The following FAM107B variants were observed in gnomAD, a reference collection of about 807,000 sequenced individuals.
FAM107B encodes the protein protein FAM107B.
Under a neutral mutation model 31.5 loss-of-function variants are expected in FAM107B, and 21 were observed. The ratio of observed to expected loss-of-function variants is 0.67; its 90% CI spans 0.47 to 0.96. The LOEUF (loss-of-function observed/expected upper bound fraction) is 0.96. Among genes scored for constraint, FAM107B ranks in the 40% least tolerant of loss-of-function variants. The pLI, the probability that FAM107B is intolerant of heterozygous loss-of-function variation, is 0.00. For synonymous variants in FAM107B, 157 were observed against 141.5 expected, an observed-to-expected ratio of 1.11 and a Z score of -0.78; for missense variants, 452 against 377.1, an observed-to-expected ratio of 1.20 and a Z score of -1.64.
At chr10:14,607,566 C>T (rs1852625917) in intron 2 of FAM107B, among the ~76,000 whole-genome samples, 1 of 152,186 alleles carries the variant, frequency 6.6e-6, no homozygotes, top group Non-Finnish European at 1.5e-5. Context: ...CCTCGTACTT[C>T]CCAGGGTTAT....
At chr10:14,544,640 C>T (rs576211813) in intron 2 of FAM107B, among the ~76,000 whole-genome samples, 26 of 152,158 alleles carry the variant, frequency 1.7e-4, no homozygotes, top group South Asian at 6.2e-4. Context: ...CACCCTTGAA[C>T]GCAGTAATTC....
In FAM107B at chr10:14,774,501, G is replaced by C; in HGVS notation, c.163C>G (p.Gln55Glu). Residue 55 changes from glutamine to glutamate, a missense_variant, in exon 1 of 5, where the codon CAG becomes GAG. Coordinates refer to ENST00000181796, the MANE Select transcript of FAM107B (RefSeq NM_031453.4). ...TGTCTGCCTGCTTTGGCCACAGGCT[G>C]CACACGGACGGTGGAATGAGTATCA... Reference protein sequence around the residue: ...VADTHSTVRVQPVAKAGRQPR... With the variant: ...VADTHSTVRVEPVAKAGRQPR... 6.2e-7 allele frequency: 1 copy of C among 1,614,200 alleles called. No homozygotes were observed. Among genetic ancestry groups the C allele is most frequent in the Non-Finnish European group, 8.5e-7 (1 of 1,180,044 alleles).
rs1220354621 is a variant in FAM107B, at chr10:14,733,091, C to T, written c.411+41162G>A. Among the ~76,000 whole-genome samples the T allele has an allele frequency of 3.4e-5, 5 of 147,490 alleles. No individual in the cohort carries two copies. In the East Asian group the frequency reaches 7.8e-4, roughly 23 times the overall value. On this transcript the variant is annotated intron_variant, in intron 1 of 4. Coordinates refer to ENST00000181796, the MANE Select transcript of FAM107B (RefSeq NM_031453.4). ...TAGATACAATGTAGTCTATAGAATA[C>T]ATTATACATAATAATATATAGCATA... is the stretch of plus-strand genomic sequence containing the variant.
At chr10:14,756,511 C>CTGCA (rs1198414675) in intron 1 of FAM107B, among the ~76,000 whole-genome samples, 1 of 152,222 alleles carries the variant, frequency 6.6e-6, no homozygotes, top group African/African-American at 2.4e-5. Flanking sequence ...TGCCTCAAGA[C>CTGCA]TGCAGCATCC....
chr10:14,744,456 C>T (rs1832685475), intron 1 of FAM107B, among the ~76,000 whole-genome samples: 1 of 152,134 alleles, frequency 6.6e-6, no homozygotes. Flanking sequence ...CCAGCTTTTG[C>T]CCATTCAGTA....
At chr10:14,604,364 G>T (rs1334710711) in intron 2 of FAM107B, 10 of 526,528 alleles carry the variant, frequency 1.9e-5, no homozygotes, top group African/African-American at 1.9e-4. Flanking sequence ...GGGGGCGGCG[G>T]CCCGGCCCGC....
intron 2 of FAM107B, among the ~76,000 whole-genome samples, chr10:14,601,208 G>GC (rs1852385909): frequency 1.3e-5 from 2 of 152,164 alleles, no homozygotes; most frequent in Admixed American, 6.5e-5. Flanking sequence ...CCTTAAAATA[G>GC]CCCCTTGTCC....
chr10:14,579,093 G>A (rs753266470), intron 2 of FAM107B, among the ~76,000 whole-genome samples: 7 of 152,088 alleles, frequency 4.6e-5, no homozygotes, highest in African/African-American at 7.2e-5. Context: ...AAACCCATTC[G>A]TTGTATGAAG....
At chr10:14,568,502 G>A (rs1390727187) in intron 2 of FAM107B, among the ~76,000 whole-genome samples, 6 of 50,438 alleles carry the variant, frequency 1.2e-4, no homozygotes, top group African/African-American at 2.3e-4. Context: ...AAGATACTCA[G>A]GTAAGAGGAG....
chr10:14,614,165 T>C (rs1852795082), intron 2 of FAM107B, among the ~76,000 whole-genome samples: 1 of 152,088 alleles, frequency 6.6e-6, no homozygotes, highest in African/African-American at 2.4e-5. Flanking sequence ...ACTTGCTTCT[T>C]TCTTTCCCCC....
chr10:14,757,547 C>T (rs1287438016), intron 1 of FAM107B, among the ~76,000 whole-genome samples: 2 of 152,150 alleles, frequency 1.3e-5, no homozygotes, highest in African/African-American at 4.8e-5. Flanking sequence ...GGAGCGAATC[C>T]AAAATTTCCC....
At chr10:14,701,523 G>A (rs919780607) in intron 1 of FAM107B, among the ~76,000 whole-genome samples, 9 of 152,150 alleles carry the variant, frequency 5.9e-5, no homozygotes, top group Non-Finnish European at 1.2e-4. Flanking sequence ...GGGATCATAG[G>A]CATGAGCCAC....
rs184065526 is a variant in FAM107B, at chr10:14,567,995, G to A, written c.470-37480C>T. Among the ~76,000 whole-genome samples, 454 of 152,304 alleles carry A rather than the reference G, an allele frequency of 3.0e-3. 5 individuals are homozygous for A. The highest frequency in any genetic ancestry group is 5.4e-3 in the Non-Finnish European group (366 of 68,036). On this transcript the variant is annotated intron_variant, in intron 2 of 4. Transcript: ENST00000181796. ...ACCAGGCTGCTGGTCACTCAGCTCCGGCTGCCATGGAGTCCCCGGTGAGCT... is the reference window on the plus strand; with the variant it reads ...ACCAGGCTGCTGGTCACTCAGCTCCAGCTGCCATGGAGTCCCCGGTGAGCT...
At chr10:14,550,052 C>A (rs1849112696) in intron 2 of FAM107B, among the ~76,000 whole-genome samples, 1 of 152,140 alleles carries the variant, frequency 6.6e-6, no homozygotes, top group African/African-American at 2.4e-5. Flanking sequence ...TTCAAAAATT[C>A]ATCTAATTCT....
chr10:14,739,786 A>G (rs534379577), intron 1 of FAM107B, among the ~76,000 whole-genome samples: 181 of 152,320 alleles, frequency 1.2e-3, no homozygotes, highest in Non-Finnish European at 2.4e-3. Flanking sequence ...CCTAAAGCCA[A>G]TGAGAGACAC....
intron 2 of FAM107B, among the ~76,000 whole-genome samples, chr10:14,636,308 TGTGAGAGAGAGAGCAA>T (rs1483016889): frequency 2.0e-5 from 3 of 148,336 alleles, no homozygotes; most frequent in African/African-American, 7.5e-5. Context: ...TCCAGGATCA[TGTGAGAGAGAGAGCAA>T]GTGAGAGAGA....
chr10:14,588,282 A>G (rs1358739933), intron 2 of FAM107B, among the ~76,000 whole-genome samples: 1 of 152,062 alleles, frequency 6.6e-6, no homozygotes, highest in Non-Finnish European at 1.5e-5. Context: ...CAGTCATCAC[A>G]TATTTCAGCT....
At chr10:14,690,494 C>T (rs1009618557) in intron 1 of FAM107B, among the ~76,000 whole-genome samples, 2 of 151,862 alleles carry the variant, frequency 1.3e-5, no homozygotes, top group African/African-American at 4.8e-5. Flanking sequence ...CGCTCTGTCG[C>T]CCAGGCTGGA....
At chr10:14,748,099 A>G (rs954115934) in intron 1 of FAM107B, among the ~76,000 whole-genome samples, 9 of 152,168 alleles carry the variant, frequency 5.9e-5, no homozygotes, top group African/African-American at 2.2e-4. Context: ...ACTTCTATCA[A>G]AGCACTTACT....
Sources: gnomAD v4.1 joint callset for allele counts (sites outside exome capture counted in the v4.1 genomes callset) on GRCh38, gnomAD v4.1.1 for gene constraint, MANE v1.5 for transcripts, NCBI Gene and HGNC (gene_info 2026-07-23, HGNC 2026-07-21) for gene names.